DCAF10: variants seen among roughly 807,000 people sequenced by gnomAD.
DCAF10 encodes the protein DDB1- and CUL4-associated factor 10.
Under a neutral mutation model 51.9 loss-of-function variants are expected in DCAF10, and 19 were observed. The observed-to-expected ratio is 0.37, with a 90% CI of 0.26 to 0.54. DCAF10 has a LOEUF of 0.54. DCAF10 is among the 20% of genes least tolerant of loss of function. The pLI, the probability that DCAF10 is intolerant of heterozygous loss-of-function variation, is 0.87. For missense variants in DCAF10, 510 were observed against 730.6 expected, an observed-to-expected ratio of 0.70 and a Z score of 3.48; for synonymous variants, 291 against 297.1, an observed-to-expected ratio of 0.98 and a Z score of 0.21.
intron 2 of DCAF10, chr9:37,835,961 C>T (rs1830151335): frequency 3.1e-6 from 3 of 979,542 alleles, no homozygotes; most frequent in Non-Finnish European, 4.9e-6. Flanking sequence ...GCTATATTGC[C>T]CTTAGAACTG....
intron 2 of DCAF10, among the ~76,000 whole-genome samples, chr9:37,822,165 G>A (rs1189520772): frequency 6.6e-6 from 1 of 152,142 alleles, no homozygotes; most frequent in African/African-American, 2.4e-5. Flanking sequence ...TACACTGCTG[G>A]TGGGAATGTA....
chr9:37,806,562 G>C (rs1054955701), intron 1 of DCAF10, among the ~76,000 whole-genome samples: 5 of 152,202 alleles, frequency 3.3e-5, no homozygotes, highest in African/African-American at 1.2e-4. Context: ...AGAAAGAAGA[G>C]CAGTCAAATG....
In DCAF10 at chr9:37,863,232, A is replaced by G. The variant is rs1395755951; in HGVS notation, c.*1724A>G. On this transcript the variant is annotated 3_prime_UTR_variant, in exon 7 of 7. Transcript: ENST00000377724. ...TCCCAGCTACCCAGGAGGCTGAGGC[A>G]AGAGAATCACTTGAACCCGGGAGGC... 1 of 151,098 alleles carries G rather than the reference A, an allele frequency of 6.6e-6. No homozygotes were observed. Among genetic ancestry groups the G allele is most frequent in the Non-Finnish European group, 1.5e-5 (1 of 67,862 alleles). The allele number at this position is 151,098 out of a possible 1,614,324, so 9.4% of individuals were successfully genotyped here.
chr9:37,853,840 A>G (rs527263799), intron 3 of DCAF10, among the ~76,000 whole-genome samples: 27 of 152,134 alleles, frequency 1.8e-4, no homozygotes, highest in African/African-American at 5.8e-4. Flanking sequence ...AAGTGTTGGG[A>G]TTACAGGTGT....
At chr9:37,826,181 A>C (rs1024030399) in intron 2 of DCAF10, among the ~76,000 whole-genome samples, 4 of 152,220 alleles carry the variant, frequency 2.6e-5, no homozygotes, top group East Asian at 1.9e-4. Context: ...CAGAATATAC[A>C]AGGGACTCCT....
chr9:37,844,471 A>G (rs7046963), intron 3 of DCAF10, among the ~76,000 whole-genome samples: 110,303 of 152,152 alleles, frequency 0.72, 40,116 homozygotes, highest in Admixed American at 0.74. Flanking sequence ...GCCAGCACGC[A>G]GAAACCCCAT....
intron 2 of DCAF10, among the ~76,000 whole-genome samples, chr9:37,836,857 C>T (rs1830182373): frequency 6.6e-6 from 1 of 151,946 alleles, no homozygotes; most frequent in South Asian, 2.1e-4. Context: ...TTTGTGCAGG[C>T]TGGCATATGC....
At chr9:37,857,201 T>G (rs769602613) in intron 4 of DCAF10, 40 bp from the exon 5 acceptor site, 77 of 1,467,600 alleles carry the variant, frequency 5.2e-5, no homozygotes, top group Non-Finnish European at 6.7e-5. Flanking sequence ...ACTACCAGAG[T>G]TATGCTAGGT....
chr9:37,861,593 G>T lies in DCAF10; in HGVS notation c.*85G>T. The T allele has an allele frequency of 6.6e-7, 1 of 1,515,154 alleles. No individual in the cohort carries two copies. The highest frequency in any genetic ancestry group is 1.4e-5 in the African/African-American group (1 of 71,844). The allele number at this position is 1,515,154 out of a possible 1,614,324, so 93.9% of individuals were successfully genotyped here. A position where few individuals can be genotyped will look rare whatever the true frequency, so the allele number is the denominator to read the frequency against. On this transcript the variant is annotated 3_prime_UTR_variant, in exon 7 of 7. Coordinates refer to ENST00000377724, the MANE Select transcript of DCAF10 (RefSeq NM_024345.5). The surrounding 1 kb of genome is among the most constrained non-coding windows in gnomAD (Gnocchi z 4.9). Reference sequence around the variant, plus strand: ...TAGATGAAGTATTTTCTTTTTAGAAGATCTTATAAGTTTGGGTCAAGATCC... The same window carrying T: ...TAGATGAAGTATTTTCTTTTTAGAATATCTTATAAGTTTGGGTCAAGATCC...
intron 1 of DCAF10, among the ~76,000 whole-genome samples, chr9:37,810,679 C>T (rs1829315530): frequency 6.6e-6 from 1 of 152,130 alleles, no homozygotes; most frequent in African/African-American, 2.4e-5. Context: ...TCAGGCTGGT[C>T]TCGACCTCCT....
upstream of DCAF10, chr9:37,800,645 C>CA: frequency 6.5e-7 from 1 of 1,536,138 alleles, no homozygotes. Context: ...GTCGCTCACA[C>CA]AGGTAACTAC....
At position 37,854,835 on chromosome 9, in the gene DCAF10, C is replaced by A. The variant is rs771369720; in HGVS notation, c.907C>A (p.Arg303=). ...KKFFHTRFLM[R]MRLTPDCSKM... ...ATTCTTTCACACACGTTTTCTCATGCGAATGAGGTTAACACCAGATTGTTC... is the reference window on the plus strand; with the variant it reads ...ATTCTTTCACACACGTTTTCTCATGAGAATGAGGTTAACACCAGATTGTTC... Residue 303 remains arginine, a synonymous_variant, in exon 4 of 7, where the codon CGA becomes AGA. Coordinates refer to ENST00000377724, the MANE Select transcript of DCAF10 (RefSeq NM_024345.5). 8.1e-6 allele frequency: 13 copies of A among 1,613,872 alleles called. No individual in the cohort carries two copies. The highest frequency in any genetic ancestry group is 1.0e-5 in the Non-Finnish European group (12 of 1,179,998).
rs909737485 is a variant in DCAF10, at chr9:37,864,358, G to C, written c.*2850G>C. On this transcript the variant is annotated 3_prime_UTR_variant, in exon 7 of 7. Transcript: ENST00000377724. ...GCACTTTGGGAGGCTGAGGTGGGTG[G>C]ATCACTTGAGGTCAGGAGTTTGAGA... 4 of 152,396 alleles carry C rather than the reference G, an allele frequency of 2.6e-5. No individual in the cohort carries two copies. The highest frequency in any genetic ancestry group is 2.9e-5 in the Non-Finnish European group (2 of 68,168). The allele number at this position is 152,396 out of a possible 1,614,324, so 9.4% of individuals were successfully genotyped here. A position where few individuals can be genotyped will look rare whatever the true frequency, so the allele number is the denominator to read the frequency against.
rs770292432 is a variant in DCAF10 at position 37,863,325 on chromosome 9, C to CAAAAAAAAAAAAAAAAA, written c.*1825_*1841dup. The CAAAAAAAAAAAAAAAAA allele has an allele frequency of 1.6e-4, 9 of 57,428 alleles. No homozygotes were observed. Among genetic ancestry groups the CAAAAAAAAAAAAAAAAA allele is most frequent in the African/African-American group, 2.4e-4 (4 of 16,452 alleles). 3.6% of individuals were successfully genotyped at this position (57,428 alleles called of 1,614,324 possible). On this transcript the variant is annotated 3_prime_UTR_variant, in exon 7 of 7. Coordinates refer to ENST00000377724, the MANE Select transcript of DCAF10 (RefSeq NM_024345.5). ...TAGGCGACAGAGCGAGACTCTGTCT[C>CAAAAAAAAAAAAAAAAA]AAAAAAAAAAAAAAAAAAAAAAAAT...
At chr9:37,840,768 C>G (rs961323005) in intron 2 of DCAF10, among the ~76,000 whole-genome samples, 2 of 152,202 alleles carry the variant, frequency 1.3e-5, no homozygotes, top group Non-Finnish European at 2.9e-5. Flanking sequence ...TCACCCCTCA[C>G]TCACTGACTC....
Position 37,857,278 on chromosome 9 carries a change from T to C in DCAF10, c.1092T>C (p.Val364=). 2 of 1,610,632 alleles carry C rather than the reference T, an allele frequency of 1.2e-6. No individual in the cohort carries two copies. The highest frequency in any genetic ancestry group is 1.7e-6 in the Non-Finnish European group (2 of 1,178,840). ...CATCAAGTTCATCTGGTCCTAGAGT[T>C]TCTGGCTCACCTTGTCATCATAGTG... ...TTSSSSSGPR[V]SGSPCHHSDS... The change falls in exon 5 of 7, where the codon GTT becomes GTC. Residue 364 remains valine, a synonymous_variant. Transcript: ENST00000377724.
rs903039041 is a variant in DCAF10, at chr9:37,866,813, A to T, written c.*5305A>T. 4 of 152,678 alleles carry T rather than the reference A, an allele frequency of 2.6e-5. No homozygotes were observed. The highest frequency in any genetic ancestry group is 4.4e-5 in the Non-Finnish European group (3 of 68,042). 9.5% of individuals were successfully genotyped at this position (152,678 alleles called of 1,614,324 possible). Reference sequence around the variant, plus strand: ...GCTGCTAGACTAAGGAATAAACAGCAAGGTACCAAAGTACAGCAAAGCAAC... The same window carrying T: ...GCTGCTAGACTAAGGAATAAACAGCTAGGTACCAAAGTACAGCAAAGCAAC... On this transcript the variant is annotated 3_prime_UTR_variant, in exon 7 of 7. Transcript: ENST00000377724.
At chr9:37,830,994 G>A (rs1829989918) in intron 2 of DCAF10, among the ~76,000 whole-genome samples, 1 of 152,194 alleles carries the variant, frequency 6.6e-6, no homozygotes, top group Non-Finnish European at 1.5e-5. Context: ...AGGCTGAGGT[G>A]GGCAGATTGC....
intron 2 of DCAF10, among the ~76,000 whole-genome samples, chr9:37,828,566 T>C (rs1366169279): frequency 1.3e-5 from 2 of 152,242 alleles, no homozygotes; most frequent in Non-Finnish European, 2.9e-5. Flanking sequence ...TTAGTTAACA[T>C]ACCAACAGAC....
Sources: gnomAD v4.1 joint callset for allele counts (sites outside exome capture counted in the v4.1 genomes callset) on GRCh38, gnomAD v4.1.1 for gene constraint, Gnocchi (gnomAD v3.1) non-coding constraint, MANE v1.5 for transcripts, NCBI Gene and HGNC (gene_info 2026-07-23, HGNC 2026-07-21) for gene names.